The following GALNT5 variants were observed in gnomAD, a reference collection of about 807,000 sequenced individuals.
GALNT5 encodes the protein UDP-GalNAc:polypeptide N-acetylgalactosaminyltransferase 5.
GALNT5 carries 72 observed loss-of-function variants against 85.4 expected under a neutral mutation model. The ratio of observed to expected loss-of-function variants is 0.84; its 90% CI spans 0.70 to 1.03. GALNT5 has a LOEUF of 1.03. GALNT5 is among the 50% of genes least tolerant of loss of function. The probability of loss-of-function intolerance (pLI) is 0.00; values close to 1 mark genes in which losing one functional copy is unlikely to be tolerated. For synonymous variants in GALNT5, 404 were observed against 397.0 expected (o/e 1.02, Z -0.21); for missense variants, 1,137 against 1,135.5 (o/e 1.00, Z -0.02).
At chr2:157,293,904 C>T (rs1230796595) in intron 3 of GALNT5, among the ~76,000 whole-genome samples, 1 of 152,212 alleles carries the variant, frequency 6.6e-6, no homozygotes, top group Non-Finnish European at 1.5e-5. Context: ...TACTTATTTT[C>T]TAATATCACA....
At chr2:157,306,018 C>T (rs1003609792) in intron 8 of GALNT5, among the ~76,000 whole-genome samples, 189 bp downstream of exon 8, 2 of 152,172 alleles carry the variant, frequency 1.3e-5, no homozygotes, top group Non-Finnish European at 1.5e-5. Flanking sequence ...CTGCAGTCAA[C>T]TCACTGGGTC....
intron 3 of GALNT5, 131 bp downstream of exon 3, chr2:157,286,265 AAC>A (rs773507981): frequency 2.7e-5 from 19 of 693,784 alleles, no homozygotes; most frequent in South Asian, 9.7e-5. Context: ...ATCAATTTTA[AAC>A]AGTTTTTATA....
rs546252407 is a variant in GALNT5, at chr2:157,291,905, C to T, written c.1742-3758C>T. Among the ~76,000 whole-genome samples the T allele has an allele frequency of 2.8e-4, 43 of 152,142 alleles. No homozygotes were observed. The South Asian group carries it at 3.3e-3, about 12-fold the overall frequency. ...GAGAGGATTTTGAATGTTCCCAATACAGATAAATGATAAATGTTTGAGGTG... is the reference window on the plus strand; with the variant it reads ...GAGAGGATTTTGAATGTTCCCAATATAGATAAATGATAAATGTTTGAGGTG... On this transcript the variant is annotated intron_variant, in intron 3 of 9. Transcript: ENST00000259056.
chr2:157,308,784 G>A (rs1284064762), intron 9 of GALNT5, 56 bp downstream of exon 9: 1 of 1,403,588 alleles, frequency 7.1e-7, no homozygotes, highest in Non-Finnish European at 9.8e-7. Context: ...TGATCAAATA[G>A]GACATAAAAT....
Position 157,278,818 on chromosome 2 carries a change from A to C in GALNT5, c.1455-5464A>C, listed in dbSNP as rs192606987. Among the ~76,000 whole-genome samples, 10 of 152,204 alleles carry C rather than the reference A, an allele frequency of 6.6e-5. No individual in the cohort carries two copies. The East Asian group carries it at 1.9e-3, about 29-fold the overall frequency. Reference sequence around the variant, plus strand: ...CGACCTTCTGAAGCCTACTTCTATCAATTTGTCAAAGTCATTCTCCATCCA... The same window carrying C: ...CGACCTTCTGAAGCCTACTTCTATCCATTTGTCAAAGTCATTCTCCATCCA... On this transcript the variant is annotated intron_variant, in intron 1 of 9. Transcript: ENST00000259056.
rs554447274 is a variant in GALNT5, at chr2:157,308,654, C to A, written c.2608C>A (p.Leu870Met). Residue 870 changes from leucine to methionine, a missense_variant, in exon 9 of 10, where the codon CTG (leucine) becomes ATG (methionine). By Grantham distance (15) the Leu-to-Met change is conservative. Coordinates refer to ENST00000259056, the MANE Select transcript of GALNT5 (RefSeq NM_014568.3). ...APIPDKGAVR[L>M]HPCDNRNKGL... Reference sequence around the variant, plus strand: ...CATCCCTGATAAAGGAGCCGTAAGGCTGCACCCTTGTGATAACAGAAACAA... The same window carrying A: ...CATCCCTGATAAAGGAGCCGTAAGGATGCACCCTTGTGATAACAGAAACAA... 3 of 1,613,706 alleles carry A rather than the reference C, an allele frequency of 1.9e-6. No homozygotes were observed. In the South Asian group the frequency reaches 3.3e-5, roughly 18 times the overall value.
At chr2:157,307,044 G>T (rs1165961012) in intron 8 of GALNT5, among the ~76,000 whole-genome samples, 1 of 151,520 alleles carries the variant, frequency 6.6e-6, no homozygotes, top group Non-Finnish European at 1.5e-5. Context: ...ATAGCAGGGA[G>T]TTTTTGTGCC....
intron 1 of GALNT5, among the ~76,000 whole-genome samples, chr2:157,283,870 G>A (rs1002031175): frequency 6.6e-6 from 1 of 152,154 alleles, no homozygotes; most frequent in African/African-American, 2.4e-5. Flanking sequence ...TGCAGATGAG[G>A]AAACTGAGGC....
At chr2:157,277,917 C>A (rs530843851) in intron 1 of GALNT5, among the ~76,000 whole-genome samples, 2 of 152,144 alleles carry the variant, frequency 1.3e-5, no homozygotes, top group Non-Finnish European at 2.9e-5. Context: ...TTCATAGCAT[C>A]GATGGTCTTT....
chr2:157,299,562 C>T lies in GALNT5; in HGVS notation c.2012C>T (p.Ala671Val), dbSNP rs774309271. The change falls in exon 6 of 10, where the codon GCT (alanine) becomes GTT (valine). Residue 671 changes from alanine to valine, a missense_variant. Physicochemically the swap from Ala to Val is moderately conservative, Grantham distance 64. Coordinates refer to ENST00000259056, the MANE Select transcript of GALNT5 (RefSeq NM_014568.3). Reference sequence around the variant, plus strand: ...TCTTTTTGTAGGTGCCCTGTCATGGCTGGTGGATTGTTTTCTATTGACAAA... The same window carrying T: ...TCTTTTTGTAGGTGCCCTGTCATGGTTGGTGGATTGTTTTCTATTGACAAA... The part of the protein sequence containing the change: ...ETDTIRCPVM[A>V]GGLFSIDKSY... 26 of 1,607,748 alleles carry T rather than the reference C, an allele frequency of 1.6e-5. No homozygotes were observed. Among genetic ancestry groups the T allele is most frequent in the Non-Finnish European group, 2.2e-5 (26 of 1,174,672 alleles).
chr2:157,305,094 A>T (rs1558904584), intron 7 of GALNT5, among the ~76,000 whole-genome samples: 1 of 152,182 alleles, frequency 6.6e-6, no homozygotes, highest in African/African-American at 2.4e-5. Context: ...AAAGGAAATC[A>T]ACATTTTTCT....
At chr2:157,298,472 C>T (rs1276631975) in intron 5 of GALNT5, among the ~76,000 whole-genome samples, 1 of 152,178 alleles carries the variant, frequency 6.6e-6, no homozygotes, top group Non-Finnish European at 1.5e-5. Context: ...GCACAGGGCG[C>T]CAATTCACCG....
rs1345487569 is a variant in GALNT5, at chr2:157,313,555, G to C, written c.*2207G>C. On this transcript the variant is annotated 3_prime_UTR_variant, in exon 10 of 10. Transcript: ENST00000259056. ...TACTGACAAACTGAACATGCTAGGT[G>C]CCTCATGTAATTCTTCATGTAACTA... 6.6e-6 allele frequency: 1 copy of C among 152,134 alleles called. No homozygotes were observed. Among genetic ancestry groups the C allele is most frequent in the Non-Finnish European group, 1.5e-5 (1 of 68,016 alleles). 9.4% of individuals were successfully genotyped at this position (152,134 alleles called of 1,614,324 possible).
At chr2:157,272,319 TCCCAAAATTGTC>T (rs1345948041) in intron 1 of GALNT5, among the ~76,000 whole-genome samples, 2 of 152,210 alleles carry the variant, frequency 1.3e-5, no homozygotes, top group Non-Finnish European at 2.9e-5. Flanking sequence ...CTAGGTTTTC[TCCCAAAATTGTC>T]CACAAAATAC....
intron 1 of GALNT5, among the ~76,000 whole-genome samples, chr2:157,274,844 A>G (rs1391881636): frequency 9.9e-5 from 15 of 151,788 alleles, no homozygotes; most frequent in Non-Finnish European, 1.2e-4. Flanking sequence ...ATTAGATCCC[A>G]TTTGTCTGTT....
At chr2:157,301,078 T>C in intron 7 of GALNT5, 79 bp downstream of exon 7, 1 of 991,328 alleles carries the variant, frequency 1.0e-6, no homozygotes, top group Non-Finnish European at 1.5e-6. Flanking sequence ...GTGGAAAGAA[T>C]GAGTAATTAC....
Position 157,314,991 on chromosome 2 carries a change from T to A in GALNT5, c.*3643T>A, listed in dbSNP as rs560879128. On this transcript the variant is annotated 3_prime_UTR_variant, in exon 10 of 10. Transcript: ENST00000259056. ...TACCTGGGAGGCTGAAGCAGGAGAA[T>A]TGCTTGTACCCGGGAGGTGGAGGTT... is the stretch of plus-strand genomic sequence containing the variant. Among the ~76,000 whole-genome samples the A allele has an allele frequency of 3.9e-3, 596 of 152,112 alleles. 3 individuals are homozygous for A. The highest frequency in any genetic ancestry group is 0.013 in the African/African-American group (554 of 41,458).
rs187480504 is a variant in GALNT5 at position 157,314,586 on chromosome 2, T to C, written c.*3238T>C. Among the ~76,000 whole-genome samples, 10 of 152,290 alleles carry C rather than the reference T, an allele frequency of 6.6e-5. No homozygotes were observed. In the East Asian group the frequency reaches 1.9e-3, roughly 29 times the overall value. ...TAAAACACCTTACTTCTAGTATTAG[T>C]TTGGGACTGCAGAGGGGCAAAGATA... On this transcript the variant is annotated 3_prime_UTR_variant, in exon 10 of 10. Transcript: ENST00000259056.
At chr2:157,271,322 T>C (rs78757843) in intron 1 of GALNT5, among the ~76,000 whole-genome samples, 3 of 152,140 alleles carry the variant, frequency 2.0e-5, no homozygotes, top group East Asian at 1.9e-4. Context: ...TGACAGGCAG[T>C]TGGAAAGTTG....
Sources: gnomAD v4.1 joint callset for allele counts (sites outside exome capture counted in the v4.1 genomes callset) on GRCh38, gnomAD v4.1.1 for gene constraint, MANE v1.5 for transcripts, NCBI Gene and HGNC (gene_info 2026-07-23, HGNC 2026-07-21) for gene names.